The following CATSPERB variants were observed in gnomAD, a reference collection of about 807,000 sequenced individuals.
CATSPERB encodes the protein cation channel sperm-associated auxiliary subunit beta.
CATSPERB carries 93 observed loss-of-function variants against 128.3 expected under a neutral mutation model. The observed-to-expected ratio is 0.72, with a 90% CI of 0.61 to 0.86. The LOEUF (loss-of-function observed/expected upper bound fraction) is 0.86. Among genes scored for constraint, CATSPERB ranks in the 40% least tolerant of loss-of-function variants. The pLI is 0.00. For synonymous variants in CATSPERB, 381 were observed against 448.8 expected, an observed-to-expected ratio of 0.85 and a Z score of 1.91; for missense variants, 1,153 against 1,329.5, an observed-to-expected ratio of 0.87 and a Z score of 2.06.
intron 20 of CATSPERB, among the ~76,000 whole-genome samples, chr14:91,611,146 A>C (rs1326037872): frequency 6.6e-6 from 1 of 152,258 alleles, no homozygotes; most frequent in Non-Finnish European, 1.5e-5. Flanking sequence ...AAACTAAAAA[A>C]TATAGAAAAA....
intron 23 of CATSPERB, among the ~76,000 whole-genome samples, 192 bp from the exon 24 acceptor site, chr14:91,589,861 T>C (rs1031104380): frequency 6.6e-6 from 1 of 152,194 alleles, no homozygotes; most frequent in African/African-American, 2.4e-5. Flanking sequence ...AGGCAGTATA[T>C]ACATTGTGGT....
intron 20 of CATSPERB, among the ~76,000 whole-genome samples, chr14:91,615,816 C>A (rs1743146): frequency 0.75 from 113,273 of 151,318 alleles, 42,905 homozygotes; most frequent in East Asian, 0.97. Flanking sequence ...GTAAATACCT[C>A]GATTTGAAAT....
intron 22 of CATSPERB, chr14:91,592,237 C>G (rs931627895): frequency 5.2e-5 from 26 of 498,358 alleles, no homozygotes; most frequent in Non-Finnish European, 8.9e-5. Context: ...TGCCGTTCAC[C>G]TCGTGCAGTT....
chr14:91,601,701 G>C (rs747730676), intron 22 of CATSPERB, among the ~76,000 whole-genome samples: 1 of 151,976 alleles, frequency 6.6e-6, no homozygotes, highest in Non-Finnish European at 1.5e-5. Flanking sequence ...AATCATTTTT[G>C]AAATACATAA....
intron 18 of CATSPERB, 90 bp downstream of exon 18, chr14:91,624,730 G>A (rs1315526882): frequency 2.4e-5 from 22 of 916,184 alleles, no homozygotes; most frequent in South Asian, 2.3e-5. Flanking sequence ...GAAATCTATT[G>A]CTCTATAAAT....
At chr14:91,708,303 A>T (rs2139767110) in intron 5 of CATSPERB, 67 bp from the exon 6 acceptor site, 9 of 968,552 alleles carry the variant, frequency 9.3e-6, no homozygotes, top group Non-Finnish European at 1.5e-5. Context: ...AAATTTAAGG[A>T]TATGTGAACA....
intron 22 of CATSPERB, among the ~76,000 whole-genome samples, chr14:91,606,747 T>C (rs1721678448): frequency 6.6e-6 from 1 of 152,160 alleles, no homozygotes. Context: ...TTGCTGTATC[T>C]TCAGAAAATG....
chr14:91,629,112 C>G, intron 17 of CATSPERB, among the ~76,000 whole-genome samples: 1 of 152,022 alleles, frequency 6.6e-6, no homozygotes. Flanking sequence ...TTGGAAGCAA[C>G]CAAGATGTTC....
intron 19 of CATSPERB, among the ~76,000 whole-genome samples, chr14:91,620,193 G>A (rs922331077): frequency 2.0e-5 from 3 of 152,112 alleles, no homozygotes; most frequent in African/African-American, 4.8e-5. Context: ...CTAAGCCCAT[G>A]CTGCTGCTTT....
At chr14:91,682,707 A>C (rs1895303810) in intron 11 of CATSPERB, among the ~76,000 whole-genome samples, 1 of 152,130 alleles carries the variant, frequency 6.6e-6, no homozygotes, top group Non-Finnish European at 1.5e-5. Flanking sequence ...ACTGTCAAAA[A>C]TGGGCATCCT....
intron 15 of CATSPERB, among the ~76,000 whole-genome samples, chr14:91,657,845 C>T (rs1894812404): frequency 6.6e-6 from 1 of 152,028 alleles, no homozygotes; most frequent in African/African-American, 2.4e-5. Flanking sequence ...GTTAAAATAG[C>T]TTTTATCGAA....
chr14:91,690,044 G>A (rs937367097), intron 10 of CATSPERB, among the ~76,000 whole-genome samples: 1 of 152,160 alleles, frequency 6.6e-6, no homozygotes, highest in Non-Finnish European at 1.5e-5. Context: ...CCAGATTGGA[G>A]TGCAGTGGCA....
chr14:91,655,616 C>A (rs972716812), intron 15 of CATSPERB, among the ~76,000 whole-genome samples: 7 of 151,956 alleles, frequency 4.6e-5, no homozygotes, highest in African/African-American at 1.7e-4. Context: ...AGCTTGAAGA[C>A]AACCCACTTA....
Position 91,588,133 on chromosome 14 carries a change from G to T in CATSPERB, c.2957-55C>A, listed in dbSNP as rs986937880. 19 of 1,153,522 alleles carry T rather than the reference G, an allele frequency of 1.6e-5. No individual in the cohort carries two copies. The Middle Eastern group carries it at 6.1e-4, about 37-fold the overall frequency. 71.5% of individuals were successfully genotyped at this position (1,153,522 alleles called of 1,614,324 possible). Reference sequence around the variant, plus strand: ...CACTTATTTTTCTCATTTTGTATTAGGTTGGTGCAAAAGTAATTGCTGTTT... The same window carrying T: ...CACTTATTTTTCTCATTTTGTATTATGTTGGTGCAAAAGTAATTGCTGTTT... On this transcript the variant is annotated intron_variant, in intron 24 of 26. Transcript: ENST00000256343.
chr14:91,663,234 A>G (rs1258294937), intron 14 of CATSPERB, among the ~76,000 whole-genome samples: 1 of 152,212 alleles, frequency 6.6e-6, no homozygotes, highest in Non-Finnish European at 1.5e-5. Flanking sequence ...TGGCTGACTT[A>G]CAGGTGAGAT....
chr14:91,685,491 C>T (rs1411550011), intron 10 of CATSPERB, among the ~76,000 whole-genome samples: 3 of 152,140 alleles, frequency 2.0e-5, no homozygotes. Context: ...TGCCTATGTG[C>T]AAGGCCGTGT....
chr14:91,596,129 A>G (rs916812862), intron 22 of CATSPERB, among the ~76,000 whole-genome samples: 7 of 152,070 alleles, frequency 4.6e-5, no homozygotes, highest in Non-Finnish European at 8.8e-5. Context: ...CTTTATTCCA[A>G]TGTCACAATT....
At chr14:91,687,852 G>C (rs1895400617) in intron 10 of CATSPERB, among the ~76,000 whole-genome samples, 1 of 151,056 alleles carries the variant, frequency 6.6e-6, no homozygotes, top group Non-Finnish European at 1.5e-5. Context: ...CTACTCAAGA[G>C]ACTGAGGCAG....
At chr14:91,658,349 A>C (rs928113141) in intron 15 of CATSPERB, among the ~76,000 whole-genome samples, 13 of 152,164 alleles carry the variant, frequency 8.5e-5, no homozygotes, top group African/African-American at 2.9e-4. Context: ...TGGAACTCAC[A>C]GACATAGAGA....
Sources: gnomAD v4.1 joint callset for allele counts (sites outside exome capture counted in the v4.1 genomes callset) on GRCh38, gnomAD v4.1.1 for gene constraint, MANE v1.5 for transcripts, NCBI Gene and HGNC (gene_info 2026-07-23, HGNC 2026-07-21) for gene names.